Variants in GABRB2 observed in about 807,000 individuals in gnomAD.
GABRB2 encodes the protein gamma-aminobutyric acid receptor subunit beta-2.
GABRB2 carries 16 observed loss-of-function variants against 54.7 expected under a neutral mutation model. The ratio of observed to expected loss-of-function variants is 0.29; its 90% CI spans 0.20 to 0.44. The LOEUF is 0.44. GABRB2 is among the 20% of genes least tolerant of loss of function. GABRB2 has a pLI of 1.00. For synonymous variants in GABRB2, 244 were observed against 233.8 expected (o/e 1.04, Z -0.40); for missense variants, 355 against 644.0 (o/e 0.55, Z 4.86).
At chr5:161,516,526 A>G (rs1334896881) in intron 3 of GABRB2, among the ~76,000 whole-genome samples, 2 of 152,218 alleles carry the variant, frequency 1.3e-5, no homozygotes, top group Admixed American at 1.3e-4. Context: ...TTCTCCAAAG[A>G]TAAATAATAA....
intron 5 of GABRB2, among the ~76,000 whole-genome samples, chr5:161,384,051 G>C (rs1580936994): frequency 1.3e-5 from 2 of 152,018 alleles, no homozygotes; most frequent in Non-Finnish European, 2.9e-5. Flanking sequence ...CTACAACTGG[G>C]CCATATAGAC....
intron 3 of GABRB2, among the ~76,000 whole-genome samples, chr5:161,530,815 AAT>A (rs1760435800): frequency 6.6e-6 from 1 of 152,256 alleles, no homozygotes; most frequent in Middle Eastern, 3.4e-3. Context: ...CATGCATACT[AAT>A]AGGATTCAAG....
At chr5:161,359,058 T>C (rs13362062) in intron 5 of GABRB2, among the ~76,000 whole-genome samples, 26,869 of 152,014 alleles carry the variant, frequency 0.18, 3,379 homozygotes, top group African/African-American at 0.35. Flanking sequence ...ACTTTTTATT[T>C]TGATGTCTTA....
At chr5:161,299,563 C>T (rs1035748978) in intron 9 of GABRB2, among the ~76,000 whole-genome samples, 1 of 152,138 alleles carries the variant, frequency 6.6e-6, no homozygotes, top group African/African-American at 2.4e-5. Context: ...CTGGACATAT[C>T]TGACTTGCTG....
At chr5:161,479,895 C>G (rs1758707565) in intron 3 of GABRB2, among the ~76,000 whole-genome samples, 1 of 151,960 alleles carries the variant, frequency 6.6e-6, no homozygotes. Flanking sequence ...GCTGAAACTT[C>G]TTTATAAAGT....
intron 9 of GABRB2, among the ~76,000 whole-genome samples, chr5:161,301,883 G>GC (rs1282931293): frequency 6.6e-6 from 1 of 152,162 alleles, no homozygotes; most frequent in African/African-American, 2.4e-5. Flanking sequence ...TCCTGACAAG[G>GC]TTTTTTGGAG....
intron 4 of GABRB2, among the ~76,000 whole-genome samples, chr5:161,412,271 T>C (rs1415755837): frequency 6.6e-6 from 1 of 152,196 alleles, no homozygotes; most frequent in Non-Finnish European, 1.5e-5. Flanking sequence ...AAGTCATTCT[T>C]GGCTCTTTTG....
chr5:161,328,601 G>T (rs562068401), intron 8 of GABRB2, among the ~76,000 whole-genome samples: 1 of 152,226 alleles, frequency 6.6e-6, no homozygotes, highest in South Asian at 2.1e-4. Flanking sequence ...TCTAAACCAT[G>T]ACTCATGATG....
chr5:161,402,003 C>T (rs1307481019), intron 5 of GABRB2, among the ~76,000 whole-genome samples: 1 of 151,812 alleles, frequency 6.6e-6, no homozygotes, highest in Non-Finnish European at 1.5e-5. Flanking sequence ...TTTAGTTTTA[C>T]TTAAGTTTAA....
At chr5:161,415,536 G>A (rs950556771) in intron 4 of GABRB2, among the ~76,000 whole-genome samples, 3 of 152,290 alleles carry the variant, frequency 2.0e-5, no homozygotes, top group East Asian at 1.9e-4. Context: ...AAAGCCATAC[G>A]AAATATTTTA....
intron 9 of GABRB2, among the ~76,000 whole-genome samples, chr5:161,307,681 G>T (rs1757728107): frequency 6.6e-6 from 1 of 151,900 alleles, no homozygotes. Flanking sequence ...TATTCTTTTT[G>T]GTGAGATAAG....
chr5:161,470,974 G>A (rs1758422166), intron 3 of GABRB2, among the ~76,000 whole-genome samples: 1 of 151,934 alleles, frequency 6.6e-6, no homozygotes, highest in African/African-American at 2.4e-5. Flanking sequence ...GGTTTTAAAT[G>A]TTGATTTTAA....
rs542410358 is a variant in GABRB2, at chr5:161,511,715, G to T, written c.237+33512C>A. Among the ~76,000 whole-genome samples the T allele has an allele frequency of 4.6e-5, 7 of 152,040 alleles. No individual in the cohort carries two copies. The South Asian group carries it at 1.5e-3, about 32-fold the overall frequency. ...CTGGTTCCTTCTGAGGGCTGTGAGGGAAGAATCTGTTCCAGACCTCTCTCC... is the reference window on the plus strand; with the variant it reads ...CTGGTTCCTTCTGAGGGCTGTGAGGTAAGAATCTGTTCCAGACCTCTCTCC... On this transcript the variant is annotated intron_variant, in intron 3 of 9. Coordinates refer to ENST00000393959, the MANE Select transcript of GABRB2 (RefSeq NM_001371727.1).
chr5:161,516,599 C>T (rs1477088453), intron 3 of GABRB2, among the ~76,000 whole-genome samples: 1 of 152,140 alleles, frequency 6.6e-6, no homozygotes, highest in East Asian at 1.9e-4. Flanking sequence ...TTTTGATATG[C>T]CACACATTCC....
intron 3 of GABRB2, among the ~76,000 whole-genome samples, chr5:161,467,099 T>A (rs931420112): frequency 6.6e-6 from 1 of 152,054 alleles, no homozygotes; most frequent in African/African-American, 2.4e-5. Context: ...ATTTGCTTTG[T>A]CCATTAGAAC....
At chr5:161,450,174 C>T (rs1464914072) in intron 4 of GABRB2, among the ~76,000 whole-genome samples, 1 of 152,122 alleles carries the variant, frequency 6.6e-6, no homozygotes, top group Non-Finnish European at 1.5e-5. Context: ...AGCCATTCCT[C>T]TTTCCTAAAG....
chr5:161,504,688 A>G (rs187971971), intron 3 of GABRB2, among the ~76,000 whole-genome samples: 41 of 152,164 alleles, frequency 2.7e-4, no homozygotes, highest in African/African-American at 7.2e-4. Flanking sequence ...GAAGGAAATA[A>G]TAAATATGAG....
rs1475920243 is a variant in GABRB2, at chr5:161,428,150, C to A, written c.459-17093G>T. On this transcript the variant is annotated intron_variant, in intron 4 of 9. Coordinates refer to ENST00000393959, the MANE Select transcript of GABRB2 (RefSeq NM_001371727.1). ...GAAACACAATGCATTAGGCTAGTGGCTCCTAAATCCTTTGTTTTGTTTTGT... is the reference window on the plus strand; with the variant it reads ...GAAACACAATGCATTAGGCTAGTGGATCCTAAATCCTTTGTTTTGTTTTGT... 2.0e-5 allele frequency among the ~76,000 whole-genome samples: 3 copies of A among 152,232 alleles called. No homozygotes were observed. In the East Asian group the frequency reaches 5.8e-4, roughly 29 times the overall value.
intron 4 of GABRB2, among the ~76,000 whole-genome samples, chr5:161,415,139 CATT>C (rs776000685): frequency 6.6e-6 from 1 of 152,176 alleles, no homozygotes; most frequent in Non-Finnish European, 1.5e-5. Context: ...GCTAGTACAT[CATT>C]ATGCAGGTAT....
Sources: gnomAD v4.1 joint callset for allele counts (sites outside exome capture counted in the v4.1 genomes callset) on GRCh38, gnomAD v4.1.1 for gene constraint, MANE v1.5 for transcripts, NCBI Gene and HGNC (gene_info 2026-07-23, HGNC 2026-07-21) for gene names.